The following AFDN variants were observed in gnomAD, a reference collection of about 807,000 sequenced individuals.
AFDN encodes afadin.
A neutral mutation model predicts 216.6 loss-of-function variants in AFDN; 68 were observed. The ratio of observed to expected loss-of-function variants is 0.31; its 90% confidence interval spans 0.26 to 0.38. The LOEUF is 0.38. Among genes scored for constraint, AFDN ranks in the 10% least tolerant of loss-of-function variants. The probability of loss-of-function intolerance (pLI) is 1.00; values close to 1 mark genes in which losing one functional copy is unlikely to be tolerated. For missense variants in AFDN, 2,136 were observed against 2,342.0 expected (o/e 0.91, Z 1.82); for synonymous variants, 868 against 853.7 (o/e 1.02, Z -0.29).
At chr6:167,958,676 C>A (rs1796754207) in intron 30 of AFDN, among the ~76,000 whole-genome samples, 1 of 152,242 alleles carries the variant, frequency 6.6e-6, no homozygotes, top group Admixed American at 6.5e-5. Context: ...CAAGCTAGGT[C>A]TTCCCTCCTC....
chr6:167,961,796 T>G (rs953400242), intron 30 of AFDN, among the ~76,000 whole-genome samples: 2 of 152,152 alleles, frequency 1.3e-5, no homozygotes, highest in Non-Finnish European at 2.9e-5. Flanking sequence ...GAGTCCATGG[T>G]GCAGAGTGTA....
intron 30 of AFDN, among the ~76,000 whole-genome samples, chr6:167,960,663 A>G (rs771065522): frequency 7.2e-5 from 11 of 152,090 alleles, no homozygotes; most frequent in Non-Finnish European, 1.6e-4. Context: ...TGTTTCTCCT[A>G]GTTCTCCTAG....
At position 167,921,473 on chromosome 6, in the gene AFDN, A is replaced by G. The variant is rs148692030; in HGVS notation, c.2909-1383A>G. ...CAGTGTTTTTAATGCTTCACACTCAATTCTTTACAAGCTGATTAAAGAATT... is the reference window on the plus strand; with the variant it reads ...CAGTGTTTTTAATGCTTCACACTCAGTTCTTTACAAGCTGATTAAAGAATT... On this transcript the variant is annotated intron_variant, in intron 21 of 33. Coordinates refer to ENST00000683244, the MANE Select transcript of AFDN (RefSeq NM_001386888.1). Among the ~76,000 whole-genome samples the G allele has an allele frequency of 3.2e-3, 495 of 152,346 alleles. 3 individuals carry two copies. The highest frequency in any genetic ancestry group is 0.011 in the African/African-American group (453 of 41,570).
chr6:167,884,666 A>G (rs906250750), intron 6 of AFDN, among the ~76,000 whole-genome samples: 1 of 152,072 alleles, frequency 6.6e-6, no homozygotes, highest in African/African-American at 2.4e-5. Flanking sequence ...CTGTAAATAG[A>G]TGTGTTGACA....
At chr6:167,869,659 C>T (rs1002084821) in intron 2 of AFDN, among the ~76,000 whole-genome samples, 1 of 152,138 alleles carries the variant, frequency 6.6e-6, no homozygotes, top group Non-Finnish European at 1.5e-5. Flanking sequence ...GCCTTTTTTC[C>T]ACAGCTTCCA....
chr6:167,850,900 T>TGA (rs773763311), intron 1 of AFDN, among the ~76,000 whole-genome samples: 1 of 143,070 alleles, frequency 7.0e-6, no homozygotes, highest in Non-Finnish European at 1.5e-5. Context: ...TGTGTGTGTG[T>TGA]GACAAAGTCT....
rs78299900 is a variant in AFDN, at chr6:167,951,513, G to A, written c.4159G>A (p.Asp1387Asn). The A allele has an allele frequency of 7.8e-4, 1,264 of 1,613,908 alleles. 10 individuals carry two copies. The African/African-American group carries it at 0.016, about 20-fold the overall frequency. The change falls in exon 30 of 34, where the codon GAT becomes AAT. Residue 1387 changes from aspartate to asparagine, a missense_variant. Around this residue, in one of 8 missense-constraint regions of AFDN, gnomAD observed 981 missense variants for 966.0 expected, o/e 1.02. Transcript: ENST00000683244. The surrounding 1 kb of genome is among the most constrained non-coding windows in gnomAD (Gnocchi z 7.1). ...TCCAGTCCACTATGCCGGTGATTTC[G>A]ATGGAATGTCCATGGATTTGCCTCT... ...PPPVHYAGDFDGMSMDLPLPP... is the reference protein window; with the variant it reads ...PPPVHYAGDFNGMSMDLPLPP...
At chr6:167,895,553 C>A (rs539388873) in intron 9 of AFDN, among the ~76,000 whole-genome samples, 1 of 152,178 alleles carries the variant, frequency 6.6e-6, no homozygotes, top group Non-Finnish European at 1.5e-5. Flanking sequence ...CTCGATGTCA[C>A]AGATTTCTGA....
chr6:167,829,441 G>C (rs1779588359), intron 1 of AFDN, among the ~76,000 whole-genome samples: 1 of 151,704 alleles, frequency 6.6e-6, no homozygotes, highest in Admixed American at 6.6e-5. Flanking sequence ...AAGCTCGTGT[G>C]AATTTTTTTT....
At position 167,917,265 on chromosome 6, in the gene AFDN, CGGGACATGTTTGCATG is replaced by C. The variant is rs746816933; in HGVS notation, c.2709+41_2709+56del. 2.0e-6 allele frequency: 3 copies of C among 1,468,990 alleles called. No homozygotes were observed. The East Asian group carries it at 7.6e-5, about 37-fold the overall frequency. 91.0% of individuals were successfully genotyped at this position (1,468,990 alleles called of 1,614,324 possible). A position where few individuals can be genotyped will look rare whatever the true frequency, so the allele number is the denominator to read the frequency against. Reference sequence around the variant, plus strand: ...GATGTTGCCACATTACCACACAGTGCGGGACATGTTTGCATGGGGACATTTGGATGAAAAAACAAAA... The same window carrying C: ...GATGTTGCCACATTACCACACAGTGCGGGACATTTGGATGAAAAAACAAAA... On this transcript the variant is annotated intron_variant, in intron 20 of 33. Transcript: ENST00000683244.
intron 26 of AFDN, among the ~76,000 whole-genome samples, chr6:167,945,334 C>T (rs1278371803): frequency 2.6e-5 from 4 of 152,178 alleles, no homozygotes; most frequent in African/African-American, 9.7e-5. Flanking sequence ...GAGCCATCAC[C>T]TCCTGTGGTG....
intron 7 of AFDN, among the ~76,000 whole-genome samples, chr6:167,890,087 AGTTAACT>A (rs1787373618): frequency 1.3e-5 from 2 of 152,364 alleles, no homozygotes; most frequent in South Asian, 4.1e-4. Context: ...TCACATCATA[AGTTAACT>A]GTTAACTCCA....
At chr6:167,896,603 C>T (rs948032045) in intron 9 of AFDN, among the ~76,000 whole-genome samples, 2 of 152,142 alleles carry the variant, frequency 1.3e-5, no homozygotes, top group Non-Finnish European at 2.9e-5. Flanking sequence ...CAGGGCAGTG[C>T]GGTAGAGAAG....
intron 1 of AFDN, among the ~76,000 whole-genome samples, chr6:167,835,993 G>A (rs1046758545): frequency 4.6e-5 from 7 of 152,146 alleles, no homozygotes; most frequent in African/African-American, 7.2e-5. Context: ...CATTATTATG[G>A]AAGTATACAT....
At chr6:167,856,657 A>G (rs1249313323) in intron 1 of AFDN, among the ~76,000 whole-genome samples, 1 of 152,120 alleles carries the variant, frequency 6.6e-6, no homozygotes, top group Non-Finnish European at 1.5e-5. Flanking sequence ...GCACTGTGCT[A>G]GGTGCTTTTG....
intron 1 of AFDN, among the ~76,000 whole-genome samples, chr6:167,853,547 CT>C (rs923872909): frequency 4.6e-5 from 7 of 151,940 alleles, no homozygotes; most frequent in African/African-American, 1.7e-4. Context: ...CAGCGATTGT[CT>C]TTTTTTGTTA....
In AFDN at chr6:167,951,208, A is replaced by T. The variant is rs1227236026; in HGVS notation, c.3854A>T (p.Glu1285Val). 3.2e-6 allele frequency: 5 copies of T among 1,563,268 alleles called. No homozygotes were observed. In the African/African-American group the frequency reaches 6.9e-5, roughly 22 times the overall value. ...CAGCGTGTTACACGTTCCCAAGAAG[A>T]ACTTCGAGAAGATAAAGCTTACCAA... ...AIQRVTRSQEELREDKAYQLE... is the reference protein window; with the variant it reads ...AIQRVTRSQEVLREDKAYQLE... Residue 1285 changes from glutamate (E) to valine (V), a missense_variant, in exon 30 of 34, where the codon GAA (glutamate) becomes GTA (valine). Glu to Val is a moderately radical substitution (Grantham distance 121, BLOSUM62 -2). Coordinates refer to ENST00000683244, the MANE Select transcript of AFDN (RefSeq NM_001386888.1). This position sits in a 1 kb window ranked among gnomAD's most constrained non-coding sequence, Gnocchi z 7.1.
In AFDN at chr6:167,913,404, A is replaced by C. The variant is rs887835764; in HGVS notation, c.2039A>C (p.Glu680Ala). ...MVSMMEGVIQEVDQVDQKQKN... is the reference protein window; with the variant it reads ...MVSMMEGVIQAVDQVDQKQKN... ...TTCCCCTCGTCTGTTTTTCTCCAGG[A>C]AGTAGACCAGGTTGACCAGGTAGGA... The change falls in exon 16 of 34, where the codon GAA becomes GCA. Residue 680 changes from glutamate (E) to alanine (A), a missense_variant and splice_region_variant. By Grantham distance (107) the Glu-to-Ala change is moderately radical. Transcript: ENST00000683244. 6.5e-7 allele frequency: 1 copy of C among 1,535,866 alleles called. No individual in the cohort carries two copies. The highest frequency in any genetic ancestry group is 2.0e-5 in the Admixed American group (1 of 50,982).
At chr6:167,833,914 A>T (rs1408978012) in intron 1 of AFDN, among the ~76,000 whole-genome samples, 2 of 152,172 alleles carry the variant, frequency 1.3e-5, no homozygotes, top group Non-Finnish European at 2.9e-5. Context: ...TGTTATTATT[A>T]TCCAAATAAA....
Sources: allele counts gnomAD v4.1 joint callset (sites outside exome capture counted in the v4.1 genomes callset), GRCh38; gene constraint gnomAD v4.1.1; regional missense constraint gnomAD v4.1.1; non-coding constraint Gnocchi (gnomAD v3.1); transcripts MANE v1.5; gene names NCBI Gene and HGNC (gene_info 2026-07-23, HGNC 2026-07-21).